The following IFT74 variants were observed in gnomAD, a reference collection of about 807,000 sequenced individuals.
IFT74 encodes the protein intraflagellar transport protein 74 homolog.
IFT74 carries 92 observed loss-of-function variants against 96.7 expected under a neutral mutation model. The ratio of observed to expected loss-of-function variants is 0.95; its 90% CI spans 0.80 to 1.13. The LOEUF (loss-of-function observed/expected upper bound fraction) is 1.13. Among genes scored for constraint, IFT74 ranks in the 50% most tolerant of loss-of-function variants. The pLI is 0.00. For synonymous variants in IFT74, 223 were observed against 213.2 expected, an observed-to-expected ratio of 1.05 and a Z score of -0.40; for missense variants, 811 against 698.2, an observed-to-expected ratio of 1.16 and a Z score of -1.82.
At chr9:26,948,108 A>T (rs1186029179) in intron 1 of IFT74, among the ~76,000 whole-genome samples, 2 of 152,134 alleles carry the variant, frequency 1.3e-5, no homozygotes, top group African/African-American at 4.8e-5. Context: ...CTCCTACTCT[A>T]GGTTTGGAAT....
At chr9:27,048,808 C>A (rs138687578) in intron 16 of IFT74, among the ~76,000 whole-genome samples, 1 of 152,144 alleles carries the variant, frequency 6.6e-6, no homozygotes, top group Non-Finnish European at 1.5e-5. Flanking sequence ...CTGATAATCA[C>A]GTTTTAATGG....
chr9:27,007,059 G>C (rs1156994453), intron 8 of IFT74, among the ~76,000 whole-genome samples: 1 of 151,706 alleles, frequency 6.6e-6, no homozygotes, highest in African/African-American at 2.4e-5. Flanking sequence ...GGATGGTCTC[G>C]ATCTCCTGAC....
chr9:27,047,303 A>C lies in IFT74; in HGVS notation c.1138A>C (p.Asn380His). Reference sequence around the variant, plus strand: ...TATTGAGACTTTTGAGGAAACAAAGAATCAGGAACTGAAACGAAAGGCACA... The same window carrying C: ...TATTGAGACTTTTGAGGAAACAAAGCATCAGGAACTGAAACGAAAGGCACA... ...TFIETFEETKNQELKRKAQIE... is the reference protein window; with the variant it reads ...TFIETFEETKHQELKRKAQIE... The change falls in exon 15 of 20, where the codon AAT (asparagine) becomes CAT (histidine). Residue 380 changes from asparagine to histidine, a missense_variant. Transcript: ENST00000380062. 4 of 1,613,114 alleles carry C rather than the reference A, an allele frequency of 2.5e-6. No homozygotes were observed. Among genetic ancestry groups the C allele is most frequent in the Non-Finnish European group, 3.4e-6 (4 of 1,179,226 alleles).
chr9:26,995,762 A>G, intron 8 of IFT74: 1 of 1,613,842 alleles, frequency 6.2e-7, no homozygotes, highest in Middle Eastern at 1.7e-4. Flanking sequence ...TGGGCATTTG[A>G]TAGCAATAAA....
chr9:27,005,106 T>C (rs936616640), intron 8 of IFT74, among the ~76,000 whole-genome samples: 3 of 152,166 alleles, frequency 2.0e-5, no homozygotes, highest in African/African-American at 7.2e-5. Flanking sequence ...ATTAACTTTG[T>C]TTCCTTATTT....
chr9:27,018,927 G>A (rs111733931), intron 12 of IFT74, among the ~76,000 whole-genome samples: 1 of 152,074 alleles, frequency 6.6e-6, no homozygotes, highest in South Asian at 2.1e-4. Context: ...TATATTCACA[G>A]AAGTGTGCAG....
intron 16 of IFT74, among the ~76,000 whole-genome samples, chr9:27,048,820 A>G (rs370774165): frequency 6.6e-6 from 1 of 152,160 alleles, no homozygotes; most frequent in South Asian, 2.1e-4. Context: ...TTTTAATGGA[A>G]TGGCTTTTAG....
chr9:27,014,485 C>T (rs1224204145), intron 10 of IFT74, among the ~76,000 whole-genome samples: 1 of 152,048 alleles, frequency 6.6e-6, no homozygotes, highest in Non-Finnish European at 1.5e-5. Context: ...GTACTGATGC[C>T]GTTCTTCTCT....
At chr9:26,954,164 T>C (rs1826012612), upstream of IFT74, among the ~76,000 whole-genome samples, 1 of 152,236 alleles carries the variant, frequency 6.6e-6, no homozygotes, top group South Asian at 2.1e-4. Context: ...AACATATAAC[T>C]GCAAGTTATA....
At chr9:26,994,570 G>C (rs1451254908) in intron 8 of IFT74, 1 of 146,704 alleles carries the variant, frequency 6.8e-6, no homozygotes. Flanking sequence ...AAAGAATCTT[G>C]TTTCACCTTG....
chr9:27,031,399 G>T (rs1298693175), intron 13 of IFT74, among the ~76,000 whole-genome samples: 1 of 151,884 alleles, frequency 6.6e-6, no homozygotes, highest in African/African-American at 2.4e-5. Flanking sequence ...CCCAGGAGGC[G>T]GAACTTGCAG....
rs749125811 is a variant in IFT74 at position 27,016,966 on chromosome 9, G to A, written c.849G>A (p.Glu283=). The part of the protein sequence containing the change: ...EAVLLHEKLY[E]LESHRDQMIA... ...TATTGCTGCATGAAAAACTTTATGA[G>A]TTGGAGTCCCATCGAGATCAAATGA... is the stretch of plus-strand genomic sequence containing the variant. Residue 283 remains glutamate, a synonymous_variant, in exon 11 of 20, where the codon GAG becomes GAA. Coordinates refer to ENST00000380062, the MANE Select transcript of IFT74 (RefSeq NM_025103.4). The A allele has an allele frequency of 3.1e-6, 5 of 1,611,508 alleles. No individual in the cohort carries two copies. Among genetic ancestry groups the A allele is most frequent in the Non-Finnish European group, 4.2e-6 (5 of 1,178,678 alleles).
chr9:27,048,322 C>A lies in IFT74; in HGVS notation c.1333+48C>A, dbSNP rs1466853957. 11 of 1,233,746 alleles carry A rather than the reference C, an allele frequency of 8.9e-6. No homozygotes were observed. The South Asian group carries it at 1.5e-4, about 17-fold the overall frequency. The allele number at this position is 1,233,746 out of a possible 1,614,324, so 76.4% of individuals were successfully genotyped here. A position where few individuals can be genotyped will look rare whatever the true frequency, so the allele number is the denominator to read the frequency against. ...AATATTCTTTTTTTTTAAAATATAT[C>A]AATGTTATTCTCTGATTATTTTAAA... On this transcript the variant is annotated intron_variant, in intron 16 of 19. Transcript: ENST00000380062.
At chr9:26,996,393 T>C (rs1828158045) in intron 8 of IFT74, 1 of 1,610,696 alleles carries the variant, frequency 6.2e-7, no homozygotes, top group African/African-American at 1.3e-5. Context: ...GATCTTCAGT[T>C]ACTGATGAAG....
intron 16 of IFT74, among the ~76,000 whole-genome samples, chr9:27,051,798 A>G (rs913691767): frequency 2.0e-5 from 3 of 152,186 alleles, no homozygotes; most frequent in African/African-American, 7.2e-5. Flanking sequence ...TATATATCAT[A>G]TTTTAAAGTC....
chr9:27,040,862 T>C (rs1404197943), intron 13 of IFT74, among the ~76,000 whole-genome samples: 2 of 152,104 alleles, frequency 1.3e-5, no homozygotes. Flanking sequence ...TCTCAGAGTA[T>C]AAAAGCCTAT....
At chr9:27,041,512 T>C (rs1819475726) in intron 13 of IFT74, among the ~76,000 whole-genome samples, 1 of 152,184 alleles carries the variant, frequency 6.6e-6, no homozygotes. Context: ...GCACATCAAA[T>C]GCTCCGAATT....
chr9:26,954,877 CATAATG>C (rs1563929382), upstream of IFT74, among the ~76,000 whole-genome samples: 2 of 152,048 alleles, frequency 1.3e-5, no homozygotes. Context: ...GAACCTAATA[CATAATG>C]ATCCAAAGTC....
At chr9:26,994,052 C>G (rs1236085241) in intron 8 of IFT74, 1 of 152,074 alleles carries the variant, frequency 6.6e-6, no homozygotes, top group South Asian at 2.1e-4. Context: ...TTCTTTAGAC[C>G]CTTCCTATTA....
Sources: allele counts gnomAD v4.1 joint callset (sites outside exome capture counted in the v4.1 genomes callset), GRCh38; gene constraint gnomAD v4.1.1; transcripts MANE v1.5; gene names NCBI Gene and HGNC (gene_info 2026-07-23, HGNC 2026-07-21).